Variants in NFIL3 observed in about 807,000 individuals in gnomAD.
NFIL3 encodes the protein nuclear factor interleukin-3-regulated protein.
Under a neutral mutation model 10.0 loss-of-function variants are expected in NFIL3, and 5 were observed. The ratio of observed to expected loss-of-function variants is 0.50; its 90% CI spans 0.26 to 1.06. The LOEUF (loss-of-function observed/expected upper bound fraction) is 1.06. Ranked by LOEUF, NFIL3 falls within the 50% of genes least tolerant of loss-of-function variation. The pLI, the probability that NFIL3 is intolerant of heterozygous loss-of-function variation, is 0.13. For missense variants in NFIL3, 436 were observed against 547.6 expected, an observed-to-expected ratio of 0.80 and a Z score of 2.03; for synonymous variants, 202 against 206.5, an observed-to-expected ratio of 0.98 and a Z score of 0.19.
chr9:91,474,442 G>A, the NFIL3 span, among the ~76,000 whole-genome samples: 178 of 152,248 alleles, frequency 1.2e-3, 2 homozygotes, highest in African/African-American at 3.8e-3. Flanking sequence ...CATGAAGGCT[G>A]CTGCTCCTTG....
chr9:91,439,645 GT>G, the NFIL3 span, among the ~76,000 whole-genome samples: 4,338 of 152,146 alleles, frequency 0.029, 97 homozygotes, highest in South Asian at 0.08. Context: ...TAGCTGTGGG[GT>G]TTGCATACAA....
chr9:91,450,205 T>C, the NFIL3 span, among the ~76,000 whole-genome samples: 1 of 152,150 alleles, frequency 6.6e-6, no homozygotes, highest in Non-Finnish European at 1.5e-5. Context: ...ATTTTATTTA[T>C]CTGCTATCTA....
chr9:91,409,332 T>TA lies in NFIL3; in HGVS notation c.*13dup. On this transcript the variant is annotated 3_prime_UTR_variant, in exon 2 of 2. Transcript: ENST00000297689. ...GACATCTTTCTAAATGCCCAGCTCT[T>TA]ACTCAGTAGTAATTTACCCAGAGTC... 1 of 1,537,386 alleles carries TA rather than the reference T, an allele frequency of 6.5e-7. No individual in the cohort carries two copies. Among genetic ancestry groups the TA allele is most frequent in the Non-Finnish European group, 8.7e-7 (1 of 1,145,276 alleles).
At chr9:91,436,222 A>T in the NFIL3 span, among the ~76,000 whole-genome samples, 2 of 152,208 alleles carry the variant, frequency 1.3e-5, no homozygotes, top group African/African-American at 4.8e-5. Context: ...CTTCACAGGC[A>T]CTGCCCCAGG....
At chr9:91,480,454 A>G in the NFIL3 span, among the ~76,000 whole-genome samples, 22 of 152,290 alleles carry the variant, frequency 1.4e-4, no homozygotes, top group East Asian at 3.9e-3. Context: ...GAACTGGTCA[A>G]CTAAGGGTAT....
At chr9:91,439,996 C>T in the NFIL3 span, among the ~76,000 whole-genome samples, 1 of 152,068 alleles carries the variant, frequency 6.6e-6, no homozygotes, top group Admixed American at 6.5e-5. Context: ...ATGTCTTTGT[C>T]TGGATTAGGT....
At chr9:91,465,182 C>A in the NFIL3 span, among the ~76,000 whole-genome samples, 1 of 152,168 alleles carries the variant, frequency 6.6e-6, no homozygotes, top group African/African-American at 2.4e-5. Flanking sequence ...AATATTTCTT[C>A]TTCTCTGTAC....
At chr9:91,420,668 A>G (rs1833745391) in intron 1 of NFIL3, among the ~76,000 whole-genome samples, 1 of 152,184 alleles carries the variant, frequency 6.6e-6, no homozygotes, top group Admixed American at 6.5e-5. Context: ...TGCCAAAGAA[A>G]GCAAGTTTTC....
chr9:91,423,997 C>T (rs1833828367), upstream of NFIL3: 1 of 147,224 alleles, frequency 6.8e-6, no homozygotes, highest in Non-Finnish European at 1.5e-5. Flanking sequence ...CGCCCCGCCT[C>T]CCCGCCCTCA....
chr9:91,471,486 CTT>C, the NFIL3 span, among the ~76,000 whole-genome samples: 13,730 of 131,992 alleles, frequency 0.1, 908 homozygotes, highest in East Asian at 0.27. Flanking sequence ...CAGTCTGTGT[CTT>C]TTTTTTTTTT....
At chr9:91,476,680 A>C in the NFIL3 span, among the ~76,000 whole-genome samples, 9 of 152,218 alleles carry the variant, frequency 5.9e-5, no homozygotes, top group Non-Finnish European at 1.0e-4. Context: ...AAAGAAGAAA[A>C]ACAAAAAATC....
chr9:91,458,587 A>T, the NFIL3 span, among the ~76,000 whole-genome samples: 1 of 151,736 alleles, frequency 6.6e-6, no homozygotes, highest in Non-Finnish European at 1.5e-5. Flanking sequence ...TCAAAGAACC[A>T]GCTTTTGGTT....
the NFIL3 span, among the ~76,000 whole-genome samples, chr9:91,476,598 G>T: frequency 6.6e-6 from 1 of 151,642 alleles, no homozygotes; most frequent in African/African-American, 2.4e-5. Flanking sequence ...ATGTCCAATT[G>T]TCTATTTATG....
chr9:91,472,571 T>A, the NFIL3 span, among the ~76,000 whole-genome samples: 1 of 152,214 alleles, frequency 6.6e-6, no homozygotes, highest in African/African-American at 2.4e-5. Context: ...ATTTAAGGTC[T>A]TCTCTATGCT....
the NFIL3 span, among the ~76,000 whole-genome samples, chr9:91,461,484 CA>C: frequency 0.099 from 15,030 of 152,194 alleles, 878 homozygotes; most frequent in African/African-American, 0.16. Flanking sequence ...CTTAAAACAA[CA>C]GAAATGTATT....
At chr9:91,475,275 A>G in the NFIL3 span, among the ~76,000 whole-genome samples, 1 of 152,312 alleles carries the variant, frequency 6.6e-6, no homozygotes, top group East Asian at 1.9e-4. Context: ...TGACTTCTAG[A>G]CCTATAATAT....
the NFIL3 span, among the ~76,000 whole-genome samples, chr9:91,475,352 G>T: frequency 2.6e-5 from 4 of 152,286 alleles, no homozygotes; most frequent in Admixed American, 2.6e-4. Context: ...TACATGGATA[G>T]ATGTAAACAT....
At chr9:91,463,590 T>C in the NFIL3 span, among the ~76,000 whole-genome samples, 1 of 152,148 alleles carries the variant, frequency 6.6e-6, no homozygotes, top group Admixed American at 6.5e-5. Context: ...ACATGACCTG[T>C]CTTGGTGAAT....
At chr9:91,420,245 T>C (rs1833735034) in intron 1 of NFIL3, among the ~76,000 whole-genome samples, 1 of 151,912 alleles carries the variant, frequency 6.6e-6, no homozygotes, top group African/African-American at 2.4e-5. Flanking sequence ...AATATATATA[T>C]TATTAGAACA....
Sources: allele counts gnomAD v4.1 joint callset (sites outside exome capture counted in the v4.1 genomes callset), GRCh38; gene constraint gnomAD v4.1.1; transcripts MANE v1.5; gene names NCBI Gene and HGNC (gene_info 2026-07-23, HGNC 2026-07-21).